Variants in CEP162 observed in about 807,000 individuals in gnomAD.
The protein encoded by CEP162 is centrosomal protein 162, also known as centrosomal protein of 162 kDa.
A neutral mutation model predicts 169.2 loss-of-function variants in CEP162; 141 were observed. The ratio of observed to expected loss-of-function variants is 0.83; its 90% CI spans 0.73 to 0.96. CEP162 has a LOEUF of 0.96. Ranked by LOEUF, CEP162 falls within the 40% of genes least tolerant of loss-of-function variation. CEP162 has a pLI of 0.00. For missense variants in CEP162, 1,600 were observed against 1,587.2 expected (o/e 1.01, Z -0.14); for synonymous variants, 540 against 526.4 (o/e 1.03, Z -0.35).
chr6:84,132,462 C>T (rs909227437), intron 25 of CEP162, among the ~76,000 whole-genome samples: 27 of 152,130 alleles, frequency 1.8e-4, no homozygotes, highest in East Asian at 1.3e-3. Flanking sequence ...CCATTCTCCC[C>T]GTCACTTTCA....
At position 84,155,498 on chromosome 6, in the gene CEP162, C is replaced by T. The variant is rs781463195; in HGVS notation, c.2794G>A (p.Glu932Lys). 1 of 1,606,126 alleles carries T rather than the reference C, an allele frequency of 6.2e-7. No homozygotes were observed. Among genetic ancestry groups the T allele is most frequent in the Non-Finnish European group, 8.5e-7 (1 of 1,174,122 alleles). The change falls in exon 22 of 27, where the codon GAA (glutamate) becomes AAA (lysine). Residue 932 changes from glutamate (E) to lysine (K), a missense_variant. Transcript: ENST00000403245. Reference sequence around the variant, plus strand: ...GGATATCTTCTCTTCAGAATCCCTTCCATTTCCTTAACCTATTAAAACATA... The same window carrying T: ...GGATATCTTCTCTTCAGAATCCCTTTCATTTCCTTAACCTATTAAAACATA... ...QDLERQVKEM[E>K]GILKRRYPNS...
rs780231134 is a variant in CEP162 at position 84,155,470 on chromosome 6, T to C, written c.2822A>G (p.Asn941Ser). ...MEGILKRRYPNSLPALILAAS... is the reference protein window; with the variant it reads ...MEGILKRRYPSSLPALILAAS... Reference sequence around the variant, plus strand: ...AGCCAATATTAAAGCAGGTAAAGAATTGGGATATCTTCTCTTCAGAATCCC... The same window carrying C: ...AGCCAATATTAAAGCAGGTAAAGAACTGGGATATCTTCTCTTCAGAATCCC... Residue 941 changes from asparagine to serine, a missense_variant, in exon 22 of 27, where the codon AAT becomes AGT. Asn to Ser is a conservative substitution (Grantham distance 46). Transcript: ENST00000403245. 1.9e-6 allele frequency: 3 copies of C among 1,612,914 alleles called. No individual in the cohort carries two copies. Among genetic ancestry groups the C allele is most frequent in the Non-Finnish European group, 2.5e-6 (3 of 1,179,236 alleles).
chr6:84,180,518 T>G (rs1311388239), intron 13 of CEP162, among the ~76,000 whole-genome samples: 9 of 150,614 alleles, frequency 6.0e-5, no homozygotes, highest in Non-Finnish European at 4.4e-5. Flanking sequence ...GAGAAAGAAA[T>G]AAAGGGTATT....
In CEP162 at chr6:84,217,926, G is replaced by C. The variant is rs752543913; in HGVS notation, c.173-2004C>G. 4 of 152,126 alleles carry C rather than the reference G, an allele frequency of 2.6e-5. No individual in the cohort carries two copies. The South Asian group carries it at 8.3e-4, about 32-fold the overall frequency. 9.4% of individuals were successfully genotyped at this position (152,126 alleles called of 1,614,324 possible). ...AGGTTCATAAGGAGATTGGAAGAAC[G>C]GTCTAGAAACAGCAATGAACAATAA... On this transcript the variant is annotated intron_variant, in intron 3 of 26. Coordinates refer to ENST00000403245, the MANE Select transcript of CEP162 (RefSeq NM_014895.4).
At chr6:84,149,443 T>C in intron 24 of CEP162, 119 bp downstream of exon 24, 1 of 694,922 alleles carries the variant, frequency 1.4e-6, no homozygotes, top group Non-Finnish European at 2.1e-6. Context: ...TAGTTTCCCA[T>C]TTCTATCACC....
At chr6:84,193,505 G>C (rs1176892293) in intron 11 of CEP162, 104 bp downstream of exon 11, 2 of 588,818 alleles carry the variant, frequency 3.4e-6, no homozygotes, top group Non-Finnish European at 5.9e-6. Flanking sequence ...CTCACAGGTA[G>C]AGTCAAGCTA....
chr6:84,174,425 G>T (rs893683913), intron 15 of CEP162, among the ~76,000 whole-genome samples: 1 of 152,178 alleles, frequency 6.6e-6, no homozygotes, highest in Non-Finnish European at 1.5e-5. Flanking sequence ...ACCTTCTATA[G>T]CAGTTCTTGC....
At chr6:84,131,629 A>G (rs1378435643) in intron 25 of CEP162, among the ~76,000 whole-genome samples, 2 of 151,656 alleles carry the variant, frequency 1.3e-5, no homozygotes, top group Non-Finnish European at 2.9e-5. Context: ...GTTGGTTTAA[A>G]GTCTTTTTTA....
intron 16 of CEP162, among the ~76,000 whole-genome samples, chr6:84,173,593 T>A (rs2099531065): frequency 6.6e-6 from 1 of 152,090 alleles, no homozygotes; most frequent in Admixed American, 6.6e-5. Flanking sequence ...TTAATTCTCC[T>A]CATGAGAAAT....
In CEP162 at chr6:84,161,735, A is replaced by G. The variant is rs368519859; in HGVS notation, c.2676+11T>C. 6.7e-5 allele frequency: 104 copies of G among 1,560,080 alleles called. No homozygotes were observed. The highest frequency in any genetic ancestry group is 9.0e-5 in the Non-Finnish European group (104 of 1,149,184). On this transcript the variant is annotated intron_variant, in intron 20 of 26. Transcript: ENST00000403245. ...ATCTAGAGAAGAAATACATTCTGAAATATCTATTACCTCAAGTTTGAGCTT... is the reference window on the plus strand; with the variant it reads ...ATCTAGAGAAGAAATACATTCTGAAGTATCTATTACCTCAAGTTTGAGCTT...
chr6:84,179,004 G>A (rs1375878066), intron 13 of CEP162, among the ~76,000 whole-genome samples: 2 of 152,072 alleles, frequency 1.3e-5, no homozygotes. Context: ...CCTTTTTTAT[G>A]GCTGCATAGT....
intron 25 of CEP162, among the ~76,000 whole-genome samples, chr6:84,143,335 A>C (rs890069605): frequency 6.6e-6 from 1 of 152,048 alleles, no homozygotes; most frequent in Admixed American, 6.6e-5. Context: ...TTGGTATATG[A>C]CAGGTCATGG....
At chr6:84,142,968 T>G (rs2099517298) in intron 25 of CEP162, among the ~76,000 whole-genome samples, 1 of 152,200 alleles carries the variant, frequency 6.6e-6, no homozygotes, top group South Asian at 2.1e-4. Context: ...CCAAGCATAA[T>G]TGTTAATAAC....
chr6:84,161,197 A>C (rs1323488656), intron 20 of CEP162, among the ~76,000 whole-genome samples: 1 of 152,142 alleles, frequency 6.6e-6, no homozygotes, highest in Admixed American at 6.6e-5. Context: ...AAGTAAATCA[A>C]AGGGAAAATG....
rs1349333856 is a variant in CEP162, at chr6:84,171,484, G to C, written c.2279+122C>G. ...GAGTATTAAACATAAAATTGGAAAT[G>C]TGTACAAATAAAAATAAAATTTTAC... On this transcript the variant is annotated intron_variant, in intron 17 of 26. Coordinates refer to ENST00000403245, the MANE Select transcript of CEP162 (RefSeq NM_014895.4). 3 of 442,712 alleles carry C rather than the reference G, an allele frequency of 6.8e-6. No homozygotes were observed. The Admixed American group carries it at 1.3e-4, about 19-fold the overall frequency. 27.4% of individuals were successfully genotyped at this position (442,712 alleles called of 1,614,324 possible). A position where few individuals can be genotyped will look rare whatever the true frequency, so the allele number is the denominator to read the frequency against.
At chr6:84,131,756 C>A (rs1588692859) in intron 25 of CEP162, among the ~76,000 whole-genome samples, 1 of 152,182 alleles carries the variant, frequency 6.6e-6, no homozygotes, top group East Asian at 1.9e-4. Flanking sequence ...AGATGGGTCT[C>A]CTGAATACAG....
At chr6:84,131,210 G>A (rs1275297341) in intron 25 of CEP162, among the ~76,000 whole-genome samples, 1 of 152,160 alleles carries the variant, frequency 6.6e-6, no homozygotes, top group African/African-American at 2.4e-5. Flanking sequence ...CTGCACTGTG[G>A]TCTGAGAGAC....
At chr6:84,136,670 A>C (rs2099514232) in intron 25 of CEP162, among the ~76,000 whole-genome samples, 1 of 152,234 alleles carries the variant, frequency 6.6e-6, no homozygotes, top group East Asian at 1.9e-4. Flanking sequence ...TATCTTAAGA[A>C]GCAAATAACA....
intron 26 of CEP162, among the ~76,000 whole-genome samples, chr6:84,125,821 T>C (rs1462786470): frequency 6.6e-6 from 1 of 152,156 alleles, no homozygotes; most frequent in Non-Finnish European, 1.5e-5. Flanking sequence ...AAATTTTTCC[T>C]GTTTAGCCAC....
Sources: allele counts gnomAD v4.1 joint callset (sites outside exome capture counted in the v4.1 genomes callset), GRCh38; gene constraint gnomAD v4.1.1; transcripts MANE v1.5; gene names NCBI Gene and HGNC (gene_info 2026-07-23, HGNC 2026-07-21).